Variants in STAG3 observed in about 807,000 individuals in gnomAD.
STAG3 encodes STAG3 cohesin complex component.
Under a neutral mutation model 160.7 loss-of-function variants are expected in STAG3, and 101 were observed. The ratio of observed to expected loss-of-function variants is 0.63; its 90% CI spans 0.54 to 0.74. STAG3 has a LOEUF of 0.74. Ranked by LOEUF, STAG3 falls within the 30% of genes least tolerant of loss-of-function variation. The probability of loss-of-function intolerance (pLI) is 0.00; values close to 1 mark genes in which losing one functional copy is unlikely to be tolerated. For missense variants in STAG3, 1,188 were observed against 1,517.4 expected (o/e 0.78, Z 3.61); for synonymous variants, 519 against 585.0 (o/e 0.89, Z 1.63).
rs760133838 is a variant in STAG3 at position 100,211,722 on chromosome 7, C to A, written c.3519-73C>A. 19 of 1,542,728 alleles carry A rather than the reference C, an allele frequency of 1.2e-5. No homozygotes were observed. The Admixed American group carries it at 1.7e-4, about 14-fold the overall frequency. On this transcript the variant is annotated intron_variant, in intron 31 of 33. Transcript: ENST00000615138. Reference sequence around the variant, plus strand: ...CTTACTGCTCCCCACTTCCCCCACCCCGGGTGTCTGAGAAACTCTCAGGGG... The same window carrying A: ...CTTACTGCTCCCCACTTCCCCCACCACGGGTGTCTGAGAAACTCTCAGGGG...
chr7:100,194,321 G>C (rs1327052598), intron 8 of STAG3, among the ~76,000 whole-genome samples: 2 of 152,122 alleles, frequency 1.3e-5, no homozygotes, highest in Admixed American at 1.3e-4. Context: ...CACTTAAAAG[G>C]GTTATTAATT....
At position 100,180,202 on chromosome 7, in the gene STAG3, C is replaced by T. The variant is rs184336713; in HGVS notation, c.-64-291C>T. Among the ~76,000 whole-genome samples the T allele has an allele frequency of 1.6e-3, 249 of 152,230 alleles. 1 individual carries two copies. Among genetic ancestry groups the T allele is most frequent in the African/African-American group, 5.7e-3 (236 of 41,546 alleles). ...TCCTGAATAGCTGAATACAGGCATGCTCTACCACACCTGACTAATGATTAT... is the reference window on the plus strand; with the variant it reads ...TCCTGAATAGCTGAATACAGGCATGTTCTACCACACCTGACTAATGATTAT... On this transcript the variant is annotated intron_variant, in intron 1 of 33. Transcript: ENST00000615138.
At chr7:100,194,601 A>G (rs1800561191) in intron 8 of STAG3, among the ~76,000 whole-genome samples, 1 of 152,158 alleles carries the variant, frequency 6.6e-6, no homozygotes, top group Non-Finnish European at 1.5e-5. Context: ...AGCCTGGGCA[A>G]ACATAGGGAG....
At chr7:100,179,472 G>A (rs1232346157) in intron 1 of STAG3, among the ~76,000 whole-genome samples, 2 of 151,880 alleles carry the variant, frequency 1.3e-5, no homozygotes, top group Admixed American at 6.6e-5. Context: ...CAGTCCTCCC[G>A]CCTCAGCCGC....
At position 100,211,077 on chromosome 7, in the gene STAG3, T is replaced by TGC; in HGVS notation, c.3305_3306insGC (p.Ile1102MetfsTer13). 1 of 1,600,786 alleles carries TGC rather than the reference T, an allele frequency of 6.2e-7. No homozygotes were observed. The highest frequency in any genetic ancestry group is 8.6e-7 in the Non-Finnish European group (1 of 1,168,806). ...GAAGAAAGTCTGCAGCTGAACAGCA[T>TGC]CCCGCCCACGCCCACCCTCACCTCC... On this transcript the variant is annotated frameshift_variant, in exon 30 of 34. Coordinates refer to ENST00000615138, the MANE Select transcript of STAG3 (RefSeq NM_001282717.2). LOFTEE classifies it high-confidence loss of function.
intron 9 of STAG3, among the ~76,000 whole-genome samples, 179 bp from the exon 10 acceptor site, chr7:100,196,976 AT>A (rs1186866970): frequency 4.6e-5 from 7 of 152,334 alleles, no homozygotes; most frequent in South Asian, 2.1e-4. Context: ...CTTAAAAAAA[AT>A]ATTTACATGT....
At chr7:100,193,630 A>G (rs1349115550) in intron 8 of STAG3, among the ~76,000 whole-genome samples, 1 of 152,214 alleles carries the variant, frequency 6.6e-6, no homozygotes, top group Non-Finnish European at 1.5e-5. Flanking sequence ...TCTAGCTTCA[A>G]ACTTTTCTTC....
At chr7:100,193,136 T>A (rs1160496757) in intron 8 of STAG3, among the ~76,000 whole-genome samples, 1 of 152,218 alleles carries the variant, frequency 6.6e-6, no homozygotes, top group Non-Finnish European at 1.5e-5. Context: ...TTGAAAGGAA[T>A]CTTTTTTTCT....
At chr7:100,201,507 T>C (rs990644487) in intron 21 of STAG3, 156 bp downstream of exon 21, 2 of 665,262 alleles carry the variant, frequency 3.0e-6, no homozygotes, top group South Asian at 1.9e-5. Context: ...ATTCCTCTCT[T>C]AGAAGGTGGA....
At position 100,207,330 on chromosome 7, in the gene STAG3, C is replaced by T. The variant is rs932718141; in HGVS notation, c.3238+1946C>T. 1.3e-5 allele frequency among the ~76,000 whole-genome samples: 2 copies of T among 152,182 alleles called. No homozygotes were observed. Among genetic ancestry groups the T allele is most frequent in the African/African-American group, 4.8e-5 (2 of 41,446 alleles). ...AAAGTACCTACACCAGTTTACAATC[C>T]TACCAGCAATGTATGGGGACTCTGG... On this transcript the variant is annotated intron_variant, in intron 29 of 33. Coordinates refer to ENST00000615138, the MANE Select transcript of STAG3 (RefSeq NM_001282717.2). This position sits in a 1 kb window ranked among gnomAD's most constrained non-coding sequence, Gnocchi z 4.0.
chr7:100,199,391 A>G (rs763285803), intron 15 of STAG3, 24 bp downstream of exon 15: 6 of 1,602,354 alleles, frequency 3.7e-6, no homozygotes, highest in Non-Finnish European at 5.1e-6. Flanking sequence ...GGAGCCAGGG[A>G]CAGGGACCTT....
At chr7:100,181,732 G>C (rs1344390871) in intron 2 of STAG3, among the ~76,000 whole-genome samples, 1 of 152,092 alleles carries the variant, frequency 6.6e-6, no homozygotes, top group Non-Finnish European at 1.5e-5. Flanking sequence ...TGGATCACCT[G>C]AAGTCAGGAG....
intron 8 of STAG3, among the ~76,000 whole-genome samples, chr7:100,193,039 G>A (rs1289520115): frequency 1.3e-5 from 2 of 152,156 alleles, no homozygotes; most frequent in Non-Finnish European, 2.9e-5. Context: ...TGTGTTAGTG[G>A]GCATGAAAAA....
Position 100,211,539 on chromosome 7 carries a change from G to A in STAG3, c.3518G>A (p.Arg1173Gln), listed in dbSNP as rs145943526. The A allele has an allele frequency of 4.8e-5, 77 of 1,613,378 alleles. No homozygotes were observed. Among genetic ancestry groups the A allele is most frequent in the Non-Finnish European group, 5.9e-5 (70 of 1,179,862 alleles). ...SGPGLGNQLM[R>Q]LSLMEEDEEE... Reference sequence around the variant, plus strand: ...CCTGGCCTGGGCAACCAGCTGATGCGGTGAGCTTTTCTCATCATCTCCTGT... The same window carrying A: ...CCTGGCCTGGGCAACCAGCTGATGCAGTGAGCTTTTCTCATCATCTCCTGT... Residue 1173 changes from arginine (R) to glutamine (Q), a missense_variant and splice_region_variant, in exon 31 of 34, where the codon CGA becomes CAA. Arg to Gln is a conservative substitution (Grantham distance 43). Around this residue, in one of 4 missense-constraint regions of STAG3, gnomAD observed 647 missense variants for 717.2 expected, o/e 0.90. Coordinates refer to ENST00000615138, the MANE Select transcript of STAG3 (RefSeq NM_001282717.2).
chr7:100,213,172 T>C (rs1383889125), intron 32 of STAG3: 1 of 341,962 alleles, frequency 2.9e-6, no homozygotes, highest in Non-Finnish European at 4.2e-6. Flanking sequence ...TGGCCTGGGC[T>C]TAGAAGGGCA....
intron 30 of STAG3, 93 bp downstream of exon 30, chr7:100,211,278 T>C: frequency 1.3e-6 from 2 of 1,492,962 alleles, no homozygotes; most frequent in South Asian, 2.6e-5. Context: ...TTCCCTGCTG[T>C]AGCACTCCCA....
chr7:100,200,476 C>T lies in STAG3; in HGVS notation c.1794C>T (p.Val598=), dbSNP rs1366131626. The T allele has an allele frequency of 1.2e-6, 2 of 1,614,014 alleles. No homozygotes were observed. Among genetic ancestry groups the T allele is most frequent in the African/African-American group, 1.3e-5 (1 of 74,912 alleles). The part of the protein sequence containing the change: ...LAKFSADAEK[V]TPLLQLLSCF... ...AGTTCTCAGCTGATGCAGAGAAGGT[C>T]ACTCCCCTGCTCCAGCTTCTCAGCT... The change falls in exon 18 of 34, where the codon GTC becomes GTT. Residue 598 remains valine, a synonymous_variant. Transcript: ENST00000615138.
rs1801144800 is a variant in STAG3, at chr7:100,201,656, C to T, written c.2221-130C>T. ...TCTGAAGAATGTCCAGAATATCACT[C>T]ATTTTCCACTGGAAAAGGAATTAGC... On this transcript the variant is annotated intron_variant, in intron 21 of 33. Transcript: ENST00000615138. 5 of 805,000 alleles carry T rather than the reference C, an allele frequency of 6.2e-6. No individual in the cohort carries two copies. In the East Asian group the frequency reaches 9.9e-5, roughly 16 times the overall value. 49.9% of individuals were successfully genotyped at this position (805,000 alleles called of 1,614,324 possible).
downstream of STAG3, among the ~76,000 whole-genome samples, chr7:100,217,899 G>C (rs1208105888): frequency 4.0e-5 from 6 of 151,732 alleles, no homozygotes; most frequent in Non-Finnish European, 7.4e-5. Flanking sequence ...GGTGACTGCT[G>C]AAGCACAGCA....
Sources: gnomAD v4.1 joint callset for allele counts (sites outside exome capture counted in the v4.1 genomes callset) on GRCh38, gnomAD v4.1.1 for gene constraint, gnomAD v4.1.1 regional missense constraint, Gnocchi (gnomAD v3.1) non-coding constraint, MANE v1.5 for transcripts, NCBI Gene and HGNC (gene_info 2026-07-23, HGNC 2026-07-21) for gene names.